Variants in CTNNA3 observed in about 807,000 individuals in gnomAD.
The protein encoded by CTNNA3 is catenin alpha 3.
CTNNA3 carries 76 observed loss-of-function variants against 95.7 expected under a neutral mutation model. That is an observed-to-expected ratio of 0.79 (90% CI 0.66 to 0.96). The LOEUF is 0.96. Ranked by LOEUF, CTNNA3 falls within the 40% of genes least tolerant of loss-of-function variation. The pLI is 0.00. For missense variants in CTNNA3, 1,191 were observed against 1,089.8 expected, an observed-to-expected ratio of 1.09 and a Z score of -1.31; for synonymous variants, 431 against 374.4, an observed-to-expected ratio of 1.15 and a Z score of -1.74.
At chr10:67,400,288 T>A (rs932269874) in intron 5 of CTNNA3, among the ~76,000 whole-genome samples, 1 of 152,216 alleles carries the variant, frequency 6.6e-6, no homozygotes, top group Non-Finnish European at 1.5e-5. Context: ...CCCATAAACA[T>A]GTCAAAGTAC....
At chr10:67,515,282 G>A (rs1839777025) in intron 5 of CTNNA3, among the ~76,000 whole-genome samples, 1 of 152,138 alleles carries the variant, frequency 6.6e-6, no homozygotes, top group African/African-American at 2.4e-5. Flanking sequence ...ATTGCAAAAA[G>A]CTGGATATTA....
intron 10 of CTNNA3, among the ~76,000 whole-genome samples, chr10:66,598,540 C>G (rs1402444265): frequency 6.6e-6 from 1 of 151,912 alleles, no homozygotes; most frequent in African/African-American, 2.4e-5. Context: ...ACTGTTAGAA[C>G]TAATAGGCAA....
chr10:66,420,676 G>A lies in CTNNA3; in HGVS notation c.1532-41324C>T, dbSNP rs369516165. Among the ~76,000 whole-genome samples the A allele has an allele frequency of 1.3e-5, 2 of 152,126 alleles. 1 individual carries two copies. The highest frequency in any genetic ancestry group is 4.8e-5 in the African/African-American group (2 of 41,508). ...TAGCCGGGCGTGATGGCATGTGCCT[G>A]TAGTACCAGCTACTTGGGAGGCTGA... On this transcript the variant is annotated intron_variant, in intron 11 of 17. Coordinates refer to ENST00000433211, the MANE Select transcript of CTNNA3 (RefSeq NM_013266.4).
intron 5 of CTNNA3, among the ~76,000 whole-genome samples, chr10:67,255,508 T>C (rs1341566413): frequency 6.6e-6 from 1 of 152,160 alleles, no homozygotes; most frequent in Non-Finnish European, 1.5e-5. Context: ...CTGTGTATAG[T>C]GCTTATTACT....
intron 11 of CTNNA3, among the ~76,000 whole-genome samples, chr10:66,468,981 A>G (rs1839030909): frequency 6.6e-6 from 1 of 151,954 alleles, no homozygotes; most frequent in Non-Finnish European, 1.5e-5. Flanking sequence ...ATAAAACTTT[A>G]AAAAATAAAT....
chr10:66,123,308 G>C (rs12769543), intron 13 of CTNNA3, among the ~76,000 whole-genome samples: 1 of 152,106 alleles, frequency 6.6e-6, no homozygotes, highest in Non-Finnish European at 1.5e-5. Context: ...AAACCTTAAA[G>C]CTCCAAAATG....
intron 7 of CTNNA3, among the ~76,000 whole-genome samples, chr10:66,910,906 G>T (rs1237417217): frequency 1.3e-5 from 2 of 152,224 alleles, no homozygotes; most frequent in Non-Finnish European, 2.9e-5. Context: ...AAAGAAGACA[G>T]CAACGTAAGC....
At chr10:65,935,778 T>C (rs2077327816) in intron 17 of CTNNA3, among the ~76,000 whole-genome samples, 1 of 152,176 alleles carries the variant, frequency 6.6e-6, no homozygotes, top group African/African-American at 2.4e-5. Flanking sequence ...TATGTTTTTA[T>C]CAAGCACAAC....
At chr10:66,745,664 A>G (rs1838834596) in intron 9 of CTNNA3, among the ~76,000 whole-genome samples, 1 of 133,832 alleles carries the variant, frequency 7.5e-6, no homozygotes, top group African/African-American at 2.9e-5. Context: ...ATCTCGGCTC[A>G]CTGCAAGCTC....
intron 13 of CTNNA3, among the ~76,000 whole-genome samples, chr10:66,128,537 A>C (rs2082933254): frequency 6.6e-6 from 1 of 152,220 alleles, no homozygotes; most frequent in Non-Finnish European, 1.5e-5. Context: ...AAGTGAAAAA[A>C]AAAGCCAGTC....
intron 15 of CTNNA3, among the ~76,000 whole-genome samples, chr10:66,057,193 G>A (rs183416391): frequency 6.6e-6 from 1 of 152,164 alleles, no homozygotes; most frequent in Non-Finnish European, 1.5e-5. Context: ...CCTCTGTAAG[G>A]TCTGAATAGT....
At chr10:66,994,790 T>G (rs573056310) in intron 7 of CTNNA3, among the ~76,000 whole-genome samples, 1 of 152,336 alleles carries the variant, frequency 6.6e-6, no homozygotes, top group African/African-American at 2.4e-5. Flanking sequence ...TAATAATTAT[T>G]GTGAAGAAGT....
intron 5 of CTNNA3, among the ~76,000 whole-genome samples, chr10:67,488,670 C>CTTT (rs1848539061): frequency 8.9e-6 from 1 of 111,884 alleles, no homozygotes; most frequent in African/African-American, 6.2e-5. Context: ...AGTGCCCGGC[C>CTTT]TCTTTTTTTT....
At chr10:67,199,270 T>C (rs1188492614) in intron 6 of CTNNA3, among the ~76,000 whole-genome samples, 1 of 152,200 alleles carries the variant, frequency 6.6e-6, no homozygotes, top group Non-Finnish European at 1.5e-5. Context: ...AAGGGATAAC[T>C]GTGGAGGTAC....
chr10:66,061,678 C>A (rs2080202414), intron 15 of CTNNA3, among the ~76,000 whole-genome samples: 1 of 151,910 alleles, frequency 6.6e-6, no homozygotes, highest in Non-Finnish European at 1.5e-5. Context: ...TCTTAGAGCC[C>A]CTAAATGGAC....
intron 5 of CTNNA3, among the ~76,000 whole-genome samples, chr10:67,452,059 A>AAAGG (rs749951862): frequency 5.0e-4 from 50 of 100,798 alleles, no homozygotes; most frequent in African/African-American, 2.3e-3. Flanking sequence ...GGGAGGGAGG[A>AAAGG]ATGGAAGGAA....
At chr10:67,540,042 A>G (rs1238985400) in intron 3 of CTNNA3, among the ~76,000 whole-genome samples, 2 of 152,150 alleles carry the variant, frequency 1.3e-5, no homozygotes, top group African/African-American at 4.8e-5. Flanking sequence ...TTATTGAGTT[A>G]CTTTCCAAAT....
intron 13 of CTNNA3, among the ~76,000 whole-genome samples, chr10:66,183,762 G>A (rs544934415): frequency 6.6e-6 from 1 of 152,140 alleles, no homozygotes; most frequent in African/African-American, 2.4e-5. Context: ...AGTAGTAAAA[G>A]GAATCTTTTG....
intron 13 of CTNNA3, among the ~76,000 whole-genome samples, chr10:66,113,895 A>T (rs987518304): frequency 6.6e-6 from 1 of 152,096 alleles, no homozygotes; most frequent in Non-Finnish European, 1.5e-5. Context: ...TGCCATTGAC[A>T]ATTGTGGCAA....
Sources: allele counts gnomAD v4.1 joint callset (sites outside exome capture counted in the v4.1 genomes callset), GRCh38; gene constraint gnomAD v4.1.1; transcripts MANE v1.5; gene names NCBI Gene and HGNC (gene_info 2026-07-23, HGNC 2026-07-21).